Variants in HECW2 observed in about 807,000 individuals in gnomAD.
HECW2 encodes HECT, C2 and WW domain containing E3 ubiquitin protein ligase 2.
A neutral mutation model predicts 175.2 loss-of-function variants in HECW2; 61 were observed. The ratio of observed to expected loss-of-function variants is 0.35; its 90% confidence interval spans 0.28 to 0.43. The LOEUF (loss-of-function observed/expected upper bound fraction) is 0.43. Ranked by LOEUF, HECW2 falls within the 20% of genes least tolerant of loss-of-function variation. The probability of loss-of-function intolerance (pLI) is 1.00; values close to 1 mark genes in which losing one functional copy is unlikely to be tolerated. For missense variants in HECW2, 1,524 were observed against 2,000.5 expected (o/e 0.76, Z 4.54); for synonymous variants, 671 against 731.0 (o/e 0.92, Z 1.32).
chr2:196,522,083 G>C (rs1688419859), intron 1 of HECW2, among the ~76,000 whole-genome samples: 1 of 152,290 alleles, frequency 6.6e-6, no homozygotes, highest in Middle Eastern at 3.4e-3. Context: ...GGTTGAACTA[G>C]TTTACAATCC....
chr2:196,265,398 T>C (rs1689473221), intron 17 of HECW2, among the ~76,000 whole-genome samples: 1 of 152,106 alleles, frequency 6.6e-6, no homozygotes, highest in Non-Finnish European at 1.5e-5. Context: ...GGTACAAGAA[T>C]TGCTTGAACC....
chr2:196,533,477 G>T (rs1007940154), intron 1 of HECW2, among the ~76,000 whole-genome samples: 3 of 150,900 alleles, frequency 2.0e-5, no homozygotes, highest in Non-Finnish European at 2.9e-5. Context: ...TTGTGTGTGT[G>T]GGGGGGTATC....
chr2:196,433,871 T>C (rs1351948197), intron 1 of HECW2, among the ~76,000 whole-genome samples: 1 of 152,232 alleles, frequency 6.6e-6, no homozygotes, highest in Admixed American at 6.5e-5. Flanking sequence ...ACATGCTAAA[T>C]ACAGTTGAAG....
At chr2:196,487,858 T>C (rs1687060355) in intron 1 of HECW2, among the ~76,000 whole-genome samples, 1 of 152,212 alleles carries the variant, frequency 6.6e-6, no homozygotes, top group African/African-American at 2.4e-5. Flanking sequence ...ATGACATCTG[T>C]CCAGAATGCA....
At chr2:196,310,083 T>C (rs1026455575) in intron 10 of HECW2, among the ~76,000 whole-genome samples, 6 of 152,268 alleles carry the variant, frequency 3.9e-5, no homozygotes, top group South Asian at 2.1e-4. Flanking sequence ...GTCTTGCACA[T>C]AGCATGTAAT....
chr2:196,281,413 G>A (rs1690178980), intron 14 of HECW2, among the ~76,000 whole-genome samples: 1 of 152,058 alleles, frequency 6.6e-6, no homozygotes, highest in Non-Finnish European at 1.5e-5. Context: ...TGAGGTAGGT[G>A]GATCGCTTGA....
chr2:196,576,499 C>T (rs770078495), intron 1 of HECW2, among the ~76,000 whole-genome samples: 6 of 152,074 alleles, frequency 3.9e-5, no homozygotes, highest in Admixed American at 6.6e-5. Flanking sequence ...TATGTGGAAT[C>T]GAAAACAGTC....
At chr2:196,340,637 A>G (rs1216119895) in intron 3 of HECW2, among the ~76,000 whole-genome samples, 1 of 150,692 alleles carries the variant, frequency 6.6e-6, no homozygotes, top group African/African-American at 2.4e-5. Context: ...TCCCAAAGGC[A>G]TAGACTATTT....
chr2:196,218,697 GA>G (rs143392917), intron 26 of HECW2, among the ~76,000 whole-genome samples: 27 of 148,706 alleles, frequency 1.8e-4, no homozygotes, highest in African/African-American at 5.4e-4. Flanking sequence ...CCCTCTGTCT[GA>G]AAAAAAAAAT....
chr2:196,541,891 G>GA (rs999327300), intron 1 of HECW2, among the ~76,000 whole-genome samples: 1 of 151,614 alleles, frequency 6.6e-6, no homozygotes, highest in African/African-American at 2.4e-5. Flanking sequence ...AATAATTGCA[G>GA]AAAAAAAGAA....
At chr2:196,459,482 AC>A (rs1212533680) in intron 1 of HECW2, among the ~76,000 whole-genome samples, 2 of 151,754 alleles carry the variant, frequency 1.3e-5, no homozygotes, top group African/African-American at 4.8e-5. Context: ...TACTGAACAG[AC>A]CCCCTGTTAG....
intron 3 of HECW2, 129 bp from the exon 4 acceptor site, chr2:196,334,647 C>A: frequency 5.8e-6 from 4 of 691,226 alleles, no homozygotes; most frequent in Non-Finnish European, 1.0e-5. Flanking sequence ...CTTTTTTCCA[C>A]TCAGCGCCAA....
chr2:196,284,977 C>T (rs1303821207), intron 14 of HECW2, among the ~76,000 whole-genome samples: 1 of 152,140 alleles, frequency 6.6e-6, no homozygotes, highest in Non-Finnish European at 1.5e-5. Flanking sequence ...CTTTACAGTG[C>T]TGGGCCAACT....
chr2:196,568,545 C>G (rs1019728646), intron 1 of HECW2, among the ~76,000 whole-genome samples: 2 of 152,186 alleles, frequency 1.3e-5, no homozygotes, highest in African/African-American at 2.4e-5. Flanking sequence ...CCAGAAGCAT[C>G]TGGACTTAAC....
Position 196,225,878 on chromosome 2 carries a change from G to A in HECW2, c.3918-8C>T, listed in dbSNP as rs975311209. 3.2e-6 allele frequency: 5 copies of A among 1,554,542 alleles called. No individual in the cohort carries two copies. The highest frequency in any genetic ancestry group is 3.3e-5 in the Admixed American group (2 of 59,816). Reference sequence around the variant, plus strand: ...CTACCACTGAATCGGAACCTGTGAAGGAAACACATGAGATGGCTTACATGT... The same window carrying A: ...CTACCACTGAATCGGAACCTGTGAAAGAAACACATGAGATGGCTTACATGT... On this transcript the variant is annotated splice_region_variant and splice_polypyrimidine_tract_variant and intron_variant, in intron 22 of 28. Transcript: ENST00000644978.
chr2:196,461,300 T>C (rs1269319017), intron 1 of HECW2, among the ~76,000 whole-genome samples: 2 of 152,032 alleles, frequency 1.3e-5, no homozygotes, highest in Non-Finnish European at 2.9e-5. Context: ...AAAACCACAA[T>C]AAGATACTAT....
chr2:196,363,031 T>C (rs556004458), intron 2 of HECW2, among the ~76,000 whole-genome samples: 1 of 152,182 alleles, frequency 6.6e-6, no homozygotes, highest in Admixed American at 6.5e-5. Context: ...CAGACACAGT[T>C]TGCCCTGAAG....
At position 196,257,812 on chromosome 2, in the gene HECW2, T is replaced by C; in HGVS notation, c.3419+11A>G. ...GACCTTCTGCTTCAAGAGTGAGTGTTACGTATGTACCTCAGCAACATAACA... is the reference window on the plus strand; with the variant it reads ...GACCTTCTGCTTCAAGAGTGAGTGTCACGTATGTACCTCAGCAACATAACA... On this transcript the variant is annotated intron_variant, in intron 18 of 28. Coordinates refer to ENST00000644978, the MANE Select transcript of HECW2 (RefSeq NM_001348768.2). 1 of 1,598,206 alleles carries C rather than the reference T, an allele frequency of 6.3e-7. No homozygotes were observed. Among genetic ancestry groups the C allele is most frequent in the African/African-American group, 1.3e-5 (1 of 74,672 alleles).
intron 1 of HECW2, among the ~76,000 whole-genome samples, chr2:196,551,229 TAA>T (rs1410007835): frequency 6.6e-6 from 1 of 152,090 alleles, no homozygotes; most frequent in African/African-American, 2.4e-5. Context: ...ACCAAAAGAA[TAA>T]AAGTTTCACA....
Sources: gnomAD v4.1 joint callset for allele counts (sites outside exome capture counted in the v4.1 genomes callset) on GRCh38, gnomAD v4.1.1 for gene constraint, MANE v1.5 for transcripts, NCBI Gene and HGNC (gene_info 2026-07-23, HGNC 2026-07-21) for gene names.